Variants in TRABD2B observed in about 807,000 individuals in gnomAD.
The protein encoded by TRABD2B is metalloprotease TIKI2.
A neutral mutation model predicts 40.1 loss-of-function variants in TRABD2B; 14 were observed. The ratio of observed to expected loss-of-function variants is 0.35; its 90% CI spans 0.23 to 0.55. The LOEUF is 0.55. Ranked by LOEUF, TRABD2B falls within the 20% of genes least tolerant of loss-of-function variation. TRABD2B has a pLI of 0.90. For missense variants in TRABD2B, 541 were observed against 648.6 expected (o/e 0.83, Z 1.80); for synonymous variants, 263 against 277.0 (o/e 0.95, Z 0.50).
intron 3 of TRABD2B, among the ~76,000 whole-genome samples, chr1:47,796,723 T>C (rs1330766648): frequency 6.6e-6 from 1 of 152,216 alleles, no homozygotes; most frequent in African/African-American, 2.4e-5. Context: ...GCAACCTGGA[T>C]AGCTATAGAC....
chr1:47,941,578 G>A (rs1645189488), intron 2 of TRABD2B, among the ~76,000 whole-genome samples: 1 of 152,226 alleles, frequency 6.6e-6, no homozygotes, highest in African/African-American at 2.4e-5. Flanking sequence ...ACCTGGCTAA[G>A]TCATTTCACA....
chr1:47,779,065 G>T (rs1644485744), intron 4 of TRABD2B, among the ~76,000 whole-genome samples: 1 of 152,212 alleles, frequency 6.6e-6, no homozygotes, highest in Non-Finnish European at 1.5e-5. Context: ...TAGCATGGGA[G>T]TGGGGTTCTG....
At chr1:47,798,864 T>C (rs1644783045) in intron 3 of TRABD2B, among the ~76,000 whole-genome samples, 1 of 152,150 alleles carries the variant, frequency 6.6e-6, no homozygotes, top group Non-Finnish European at 1.5e-5. Flanking sequence ...CAACAGATCC[T>C]CATGGGAACT....
intron 2 of TRABD2B, among the ~76,000 whole-genome samples, chr1:47,881,803 G>A (rs1394166649): frequency 6.6e-6 from 1 of 152,186 alleles, no homozygotes; most frequent in Non-Finnish European, 1.5e-5. Flanking sequence ...TGTGGCATCT[G>A]TCTTTGTGTC....
chr1:47,932,228 A>G (rs888620745), intron 2 of TRABD2B, among the ~76,000 whole-genome samples: 1 of 152,176 alleles, frequency 6.6e-6, no homozygotes, highest in Non-Finnish European at 1.5e-5. Context: ...GAGGTAAACA[A>G]CAGCATCAGT....
At chr1:47,816,539 C>A (rs1287696710) in intron 2 of TRABD2B, among the ~76,000 whole-genome samples, 1 of 152,110 alleles carries the variant, frequency 6.6e-6, no homozygotes, top group East Asian at 1.9e-4. Flanking sequence ...ACATGCTGGT[C>A]CTTCTGCCCG....
chr1:47,983,448 C>T (rs1296442920), intron 2 of TRABD2B, among the ~76,000 whole-genome samples: 2 of 151,922 alleles, frequency 1.3e-5, no homozygotes, highest in African/African-American at 2.4e-5. Context: ...AGTTTACATA[C>T]GTAACAAACC....
At chr1:47,893,440 T>C (rs1644477212) in intron 2 of TRABD2B, among the ~76,000 whole-genome samples, 1 of 152,112 alleles carries the variant, frequency 6.6e-6, no homozygotes, top group Non-Finnish European at 1.5e-5. Flanking sequence ...CTGGGGGATG[T>C]TGAACAAATA....
chr1:47,957,231 T>G (rs1259428336), intron 2 of TRABD2B, among the ~76,000 whole-genome samples: 2 of 152,122 alleles, frequency 1.3e-5, no homozygotes, highest in African/African-American at 4.8e-5. Context: ...AGACCAAAAG[T>G]AGATAAAATC....
Position 47,923,385 on chromosome 1 carries a change from C to T in TRABD2B, c.666+70649G>A, listed in dbSNP as rs114936163. ...CTTGGTGGACGCAGTATCTTCAGCACCTAACTGTGCCTGGCATAAAGTCAA... is the reference window on the plus strand; with the variant it reads ...CTTGGTGGACGCAGTATCTTCAGCATCTAACTGTGCCTGGCATAAAGTCAA... On this transcript the variant is annotated intron_variant, in intron 2 of 6. Coordinates refer to ENST00000606738, the MANE Select transcript of TRABD2B (RefSeq NM_001194986.2). 8.3e-3 allele frequency among the ~76,000 whole-genome samples: 1,265 copies of T among 152,340 alleles called. 13 individuals are homozygous for T. Among genetic ancestry groups the T allele is most frequent in the Middle Eastern group, 0.034 (10 of 294 alleles).
At chr1:47,924,353 T>C (rs1644943907) in intron 2 of TRABD2B, among the ~76,000 whole-genome samples, 1 of 152,108 alleles carries the variant, frequency 6.6e-6, no homozygotes. Context: ...CATTGTGAAA[T>C]GAAAAGTACA....
At position 47,762,538 on chromosome 1, in the gene TRABD2B, C is replaced by G. The variant is rs949388704; in HGVS notation, c.*3364G>C. 2.6e-5 allele frequency: 4 copies of G among 152,216 alleles called. No homozygotes were observed. Among genetic ancestry groups the G allele is most frequent in the Admixed American group, 2.6e-4 (4 of 15,282 alleles). 9.4% of individuals were successfully genotyped at this position (152,216 alleles called of 1,614,324 possible). On this transcript the variant is annotated 3_prime_UTR_variant, in exon 7 of 7. Transcript: ENST00000606738. Reference sequence around the variant, plus strand: ...CAAGTGGGACAAGGGGCCTGAGCACCTAGGCTTGTCCAGGTCTAGCCGAGG... The same window carrying G: ...CAAGTGGGACAAGGGGCCTGAGCACGTAGGCTTGTCCAGGTCTAGCCGAGG...
Position 47,994,245 on chromosome 1 carries a change from T to C in TRABD2B, c.455A>G (p.Asn152Ser), listed in dbSNP as rs755018784. 12 of 1,541,076 alleles carry C rather than the reference T, an allele frequency of 7.8e-6. No individual in the cohort carries two copies. Among genetic ancestry groups the C allele is most frequent in the African/African-American group, 1.4e-5 (1 of 73,250 alleles). Reference sequence around the variant, plus strand: ...GCGCTCCCAGTTGCCCGCGATGGCATTGAATAGGTAGTCAGCATAGAGCCC... The same window carrying C: ...GCGCTCCCAGTTGCCCGCGATGGCACTGAATAGGTAGTCAGCATAGAGCCC... ...GKGLYADYLF[N>S]AIAGNWERKR... Residue 152 changes from asparagine to serine, a missense_variant, in exon 2 of 7, where the codon AAT becomes AGT. By Grantham distance (46) the Asn-to-Ser change is conservative. Coordinates refer to ENST00000606738, the MANE Select transcript of TRABD2B (RefSeq NM_001194986.2). This position sits in a 1 kb window ranked among gnomAD's most constrained non-coding sequence, Gnocchi z 6.7.
At chr1:47,938,683 C>T (rs1222233457) in intron 2 of TRABD2B, among the ~76,000 whole-genome samples, 1 of 152,162 alleles carries the variant, frequency 6.6e-6, no homozygotes, top group East Asian at 1.9e-4. Flanking sequence ...TTACTGGAAT[C>T]ATGTGTCCCT....
chr1:47,966,624 G>A (rs995522994), intron 2 of TRABD2B, among the ~76,000 whole-genome samples: 4 of 152,138 alleles, frequency 2.6e-5, no homozygotes, highest in African/African-American at 9.7e-5. Context: ...AATCAGGTTG[G>A]CCTGGTGCAG....
chr1:47,909,483 AAGGAGAAGG>A (rs374536414), intron 2 of TRABD2B, among the ~76,000 whole-genome samples: 5,621 of 84,210 alleles, frequency 0.067, 300 homozygotes, highest in African/African-American at 0.17. Context: ...GGAGAAGGAG[AAGGAGAAGG>A]AGGAGAAGGA....
At chr1:47,852,429 T>G (rs1331939095) in intron 2 of TRABD2B, among the ~76,000 whole-genome samples, 2 of 152,224 alleles carry the variant, frequency 1.3e-5, no homozygotes, top group Non-Finnish European at 2.9e-5. Context: ...GGATTCATTT[T>G]CACGATCCCC....
intron 2 of TRABD2B, among the ~76,000 whole-genome samples, chr1:47,903,411 G>A (rs1358032021): frequency 3.3e-5 from 5 of 150,764 alleles, no homozygotes; most frequent in African/African-American, 4.9e-5. Context: ...TGAAGATCTC[G>A]CTGTGACATA....
chr1:47,784,175 C>G (rs1292485608), intron 4 of TRABD2B, among the ~76,000 whole-genome samples: 1 of 152,202 alleles, frequency 6.6e-6, no homozygotes, highest in Non-Finnish European at 1.5e-5. Flanking sequence ...CCCAAGGTCA[C>G]ACACCTGGTA....
Sources: allele counts gnomAD v4.1 joint callset (sites outside exome capture counted in the v4.1 genomes callset), GRCh38; gene constraint gnomAD v4.1.1; non-coding constraint Gnocchi (gnomAD v3.1); transcripts MANE v1.5; gene names NCBI Gene and HGNC (gene_info 2026-07-23, HGNC 2026-07-21).